CACHD1: variants seen among roughly 807,000 people sequenced by gnomAD.
The protein encoded by CACHD1 is VWFA and cache domain-containing protein 1.
In CACHD1, 71 loss-of-function variants were observed where a neutral mutation model predicts 138.7. The ratio of observed to expected loss-of-function variants is 0.51; its 90% confidence interval spans 0.42 to 0.62. The LOEUF is 0.62. Ranked by LOEUF, CACHD1 falls within the 20% of genes least tolerant of loss-of-function variation. CACHD1 has a pLI of 0.00. For synonymous variants in CACHD1, 578 were observed against 591.5 expected (o/e 0.98, Z 0.33); for missense variants, 1,389 against 1,625.3 (o/e 0.85, Z 2.50).
chr1:64,594,190 G>A (rs1647130932), intron 3 of CACHD1, among the ~76,000 whole-genome samples: 1 of 151,168 alleles, frequency 6.6e-6, no homozygotes, highest in Admixed American at 6.6e-5. Context: ...GGAGGCAGAG[G>A]TTGCAGTGAG....
chr1:64,595,291 C>T (rs1647140705), intron 3 of CACHD1, among the ~76,000 whole-genome samples: 1 of 152,168 alleles, frequency 6.6e-6, no homozygotes, highest in Admixed American at 6.5e-5. Flanking sequence ...ACCTCTTGGG[C>T]TTTCTGTGTG....
intron 1 of CACHD1, among the ~76,000 whole-genome samples, chr1:64,549,957 G>C (rs1362686971): frequency 6.6e-6 from 1 of 152,242 alleles, no homozygotes; most frequent in South Asian, 2.1e-4. Flanking sequence ...GGAGGAGTAG[G>C]TACCATCTAG....
chr1:64,546,291 A>C (rs1646717615), intron 1 of CACHD1, among the ~76,000 whole-genome samples: 1 of 151,608 alleles, frequency 6.6e-6, no homozygotes, highest in Non-Finnish European at 1.5e-5. Context: ...GAAGGATCAG[A>C]CCTGTCATGA....
At chr1:64,491,092 T>C (rs760970385) in intron 1 of CACHD1, among the ~76,000 whole-genome samples, 7 of 152,224 alleles carry the variant, frequency 4.6e-5, no homozygotes, top group Non-Finnish European at 1.0e-4. Context: ...ATATTAATAA[T>C]GTCTAGAATT....
chr1:64,673,065 T>A, intron 17 of CACHD1, 93 bp from the exon 18 acceptor site: 1 of 1,058,276 alleles, frequency 9.4e-7, no homozygotes, highest in East Asian at 2.4e-5. Context: ...ATGCAGTTTG[T>A]TTCAGGGCTA....
chr1:64,622,236 C>T (rs1647937963), intron 4 of CACHD1, among the ~76,000 whole-genome samples: 1 of 152,138 alleles, frequency 6.6e-6, no homozygotes, highest in Admixed American at 6.5e-5. Context: ...ATAAAAACCC[C>T]ATCTCTTATC....
intron 16 of CACHD1, among the ~76,000 whole-genome samples, chr1:64,667,787 G>C (rs1170476686): frequency 6.6e-6 from 1 of 152,178 alleles, no homozygotes; most frequent in Non-Finnish European, 1.5e-5. Flanking sequence ...TAGTCATTAG[G>C]TGACCCAACT....
At chr1:64,500,744 GA>G (rs1646334499) in intron 1 of CACHD1, among the ~76,000 whole-genome samples, 3 of 130,462 alleles carry the variant, frequency 2.3e-5, no homozygotes, top group Non-Finnish European at 4.9e-5. Flanking sequence ...AAGAGAGAGA[GA>G]GAGAGAGAGA....
intron 4 of CACHD1, among the ~76,000 whole-genome samples, chr1:64,606,133 A>G (rs545801148): frequency 2.0e-5 from 3 of 151,534 alleles, no homozygotes; most frequent in Non-Finnish European, 3.0e-5. Context: ...ACACACACGC[A>G]CACACACGCA....
At chr1:64,512,393 CAAAAAAAAAAA>C (rs551616431) in intron 1 of CACHD1, among the ~76,000 whole-genome samples, 2 of 78,630 alleles carry the variant, frequency 2.5e-5, no homozygotes, top group Non-Finnish European at 2.4e-5. Context: ...GACTGTGTCT[CAAAAAAAAAAA>C]AAAAAAAAAA....
chr1:64,663,129 G>T lies in CACHD1; in HGVS notation c.1952-566G>T, dbSNP rs867882730. Among the ~76,000 whole-genome samples the T allele has an allele frequency of 2.6e-5, 4 of 152,260 alleles. No homozygotes were observed. In the South Asian group the frequency reaches 8.3e-4, roughly 32 times the overall value. ...TAAGCTGTCCCCTCATTCCTCATAA[G>T]ATATTATATGTAGATCTCAGATAGT... On this transcript the variant is annotated intron_variant, in intron 13 of 26. Coordinates refer to ENST00000651257, the MANE Select transcript of CACHD1 (RefSeq NM_020925.4).
intron 5 of CACHD1, among the ~76,000 whole-genome samples, chr1:64,630,300 ATTTTT>A (rs559475497): frequency 7.1e-6 from 1 of 140,502 alleles, no homozygotes; most frequent in African/African-American, 2.6e-5. Flanking sequence ...TTTTCCTAAG[ATTTTT>A]TTTTTTTTTT....
intron 4 of CACHD1, among the ~76,000 whole-genome samples, chr1:64,618,749 A>G (rs1165157974): frequency 1.3e-5 from 2 of 152,218 alleles, no homozygotes; most frequent in Admixed American, 6.5e-5. Context: ...ACAGAACATT[A>G]CTGAGAGGTG....
At chr1:64,532,747 G>A (rs1310956182) in intron 1 of CACHD1, among the ~76,000 whole-genome samples, 1 of 152,182 alleles carries the variant, frequency 6.6e-6, no homozygotes, top group African/African-American at 2.4e-5. Flanking sequence ...GCCTGGAAGT[G>A]GCAAGAGACT....
At chr1:64,660,880 T>A (rs1649420796) in intron 13 of CACHD1, among the ~76,000 whole-genome samples, 1 of 152,306 alleles carries the variant, frequency 6.6e-6, no homozygotes, top group South Asian at 2.1e-4. Flanking sequence ...CATCTGTGGA[T>A]CGCATTGCAT....
chr1:64,668,750 G>A (rs974210358), intron 16 of CACHD1, among the ~76,000 whole-genome samples: 2 of 152,210 alleles, frequency 1.3e-5, no homozygotes, highest in African/African-American at 4.8e-5. Flanking sequence ...GCTTAGCAGA[G>A]TGTGATTTTA....
intron 1 of CACHD1, among the ~76,000 whole-genome samples, chr1:64,500,988 G>T (rs1646336606): frequency 6.6e-6 from 1 of 151,114 alleles, no homozygotes; most frequent in South Asian, 2.1e-4. Context: ...GGCAGAGGTC[G>T]CAGTGAGCCA....
Position 64,691,827 on chromosome 1 carries a change from A to G in CACHD1, c.*266A>G, listed in dbSNP as rs1165329439. On this transcript the variant is annotated 3_prime_UTR_variant, in exon 27 of 27. Transcript: ENST00000651257. ...ACCTGCCATAACACTAATGGAAGGTAACAGAAGGCGAACCTCCAAACACAG... is the reference window on the plus strand; with the variant it reads ...ACCTGCCATAACACTAATGGAAGGTGACAGAAGGCGAACCTCCAAACACAG... 1 of 449,582 alleles carries G rather than the reference A, an allele frequency of 2.2e-6. No individual in the cohort carries two copies. Among genetic ancestry groups the G allele is most frequent in the Non-Finnish European group, 4.1e-6 (1 of 246,020 alleles). 27.8% of individuals were successfully genotyped at this position (449,582 alleles called of 1,614,324 possible). A position where few individuals can be genotyped will look rare whatever the true frequency, so the allele number is the denominator to read the frequency against.
intron 13 of CACHD1, among the ~76,000 whole-genome samples, chr1:64,662,685 C>CA (rs1227914198): frequency 2.6e-5 from 4 of 152,146 alleles, no homozygotes; most frequent in Non-Finnish European, 5.9e-5. Flanking sequence ...TAGAAAATCT[C>CA]AAAGACGAAG....
Sources: gnomAD v4.1 joint callset for allele counts (sites outside exome capture counted in the v4.1 genomes callset) on GRCh38, gnomAD v4.1.1 for gene constraint, MANE v1.5 for transcripts, NCBI Gene and HGNC (gene_info 2026-07-23, HGNC 2026-07-21) for gene names.